Variants in ENOX1 observed in about 807,000 individuals in gnomAD.
ENOX1 encodes candidate growth-related and time keeping constitutive hydroquinone (NADH) oxidase.
Under a neutral mutation model 82.5 loss-of-function variants are expected in ENOX1, and 42 were observed. That is an observed-to-expected ratio of 0.51 (90% CI 0.40 to 0.66). The LOEUF (loss-of-function observed/expected upper bound fraction) is 0.66. Ranked by LOEUF, ENOX1 falls within the 30% of genes least tolerant of loss-of-function variation. ENOX1 has a pLI of 0.00. For synonymous variants in ENOX1, 271 were observed against 282.2 expected (o/e 0.96, Z 0.40); for missense variants, 608 against 811.6 (o/e 0.75, Z 3.05).
intron 9 of ENOX1, among the ~76,000 whole-genome samples, chr13:43,341,536 CTG>C (rs2049060628): frequency 6.6e-6 from 1 of 152,062 alleles, no homozygotes; most frequent in South Asian, 2.1e-4. Context: ...CATGGTGAGT[CTG>C]AGGATAACTG....
chr13:43,279,707 G>C (rs1462153764), intron 12 of ENOX1, among the ~76,000 whole-genome samples: 1 of 152,222 alleles, frequency 6.6e-6, no homozygotes, highest in African/African-American at 2.4e-5. Flanking sequence ...TGAGTTAAAT[G>C]AAAGTGCTGT....
intron 8 of ENOX1, among the ~76,000 whole-genome samples, chr13:43,353,080 T>C (rs182929757): frequency 6.6e-6 from 1 of 152,074 alleles, no homozygotes; most frequent in African/African-American, 2.4e-5. Flanking sequence ...GATTAACGAA[T>C]ACTTCTTGAG....
At chr13:43,553,005 A>C (rs757731244) in intron 2 of ENOX1, among the ~76,000 whole-genome samples, 1 of 152,098 alleles carries the variant, frequency 6.6e-6, no homozygotes, top group Non-Finnish European at 1.5e-5. Context: ...TTGAAGAGGA[A>C]GAGGAGGTAA....
chr13:43,370,943 T>C (rs1410600572), intron 5 of ENOX1, among the ~76,000 whole-genome samples: 4 of 145,088 alleles, frequency 2.8e-5, no homozygotes, highest in African/African-American at 1.0e-4. Context: ...GCCTCCTCCC[T>C]GCATGCCCTT....
intron 2 of ENOX1, among the ~76,000 whole-genome samples, chr13:43,517,293 T>C (rs1238317820): frequency 6.6e-6 from 1 of 151,228 alleles, no homozygotes; most frequent in Non-Finnish European, 1.5e-5. Flanking sequence ...AGGTCAGGAG[T>C]TCAAGACCAG....
intron 1 of ENOX1, among the ~76,000 whole-genome samples, chr13:43,709,439 A>C (rs1036315388): frequency 1.8e-4 from 28 of 152,142 alleles, no homozygotes; most frequent in African/African-American, 6.5e-4. Context: ...TTTTAAGTAC[A>C]TTTTTAACGA....
intron 1 of ENOX1, among the ~76,000 whole-genome samples, chr13:43,753,417 T>C (rs944357656): frequency 6.6e-6 from 1 of 152,236 alleles, no homozygotes; most frequent in African/African-American, 2.4e-5. Flanking sequence ...TTTCGTATTT[T>C]TGATACTATT....
Position 43,786,935 on chromosome 13 carries a change from G to A in ENOX1, c.-568C>T. On this transcript the variant is annotated 5_prime_UTR_variant, in exon 1 of 17. Transcript: ENST00000690772. The surrounding 1 kb of genome is among the most constrained non-coding windows in gnomAD (Gnocchi z 6.0). ...GAGGGGCGCTGGAGACTCCGCGGCT[G>A]GAGGCGCGCGGGCGTGCGCACGCGC... 6.6e-6 allele frequency: 1 copy of A among 151,476 alleles called. No homozygotes were observed. The highest frequency in any genetic ancestry group is 1.5e-5 in the Non-Finnish European group (1 of 67,808). 9.4% of individuals were successfully genotyped at this position (151,476 alleles called of 1,614,324 possible).
intron 5 of ENOX1, among the ~76,000 whole-genome samples, chr13:43,387,564 T>C (rs1455854819): frequency 1.3e-5 from 2 of 152,020 alleles, no homozygotes; most frequent in African/African-American, 4.8e-5. Flanking sequence ...ACTACTGTCT[T>C]TTATGCCTAT....
intron 11 of ENOX1, among the ~76,000 whole-genome samples, chr13:43,307,601 C>T (rs540383578): frequency 1.4e-3 from 213 of 152,306 alleles, no homozygotes; most frequent in African/African-American, 4.9e-3. Context: ...TTCTCTCCTG[C>T]TTTTACAACC....
At chr13:43,306,374 C>T (rs914222228) in intron 11 of ENOX1, among the ~76,000 whole-genome samples, 1 of 152,170 alleles carries the variant, frequency 6.6e-6, no homozygotes, top group African/African-American at 2.4e-5. Context: ...TTCTTTTTCA[C>T]TTTCAGTCCC....
At chr13:43,248,040 T>C (rs1264121889) in intron 14 of ENOX1, among the ~76,000 whole-genome samples, 5 of 148,502 alleles carry the variant, frequency 3.4e-5, no homozygotes, top group Admixed American at 6.7e-5. Flanking sequence ...CGCCCGCCAC[T>C]ACGCCTGTCT....
intron 5 of ENOX1, among the ~76,000 whole-genome samples, chr13:43,401,877 A>T (rs2053517266): frequency 6.6e-6 from 1 of 151,938 alleles, no homozygotes; most frequent in Non-Finnish European, 1.5e-5. Context: ...TTTCCAAGGA[A>T]CTTGACTGCA....
Position 43,703,445 on chromosome 13 carries a change from G to A in ENOX1, c.-284-35901C>T, listed in dbSNP as rs536157439. Among the ~76,000 whole-genome samples, 16 of 152,162 alleles carry A rather than the reference G, an allele frequency of 1.1e-4. No homozygotes were observed. The East Asian group carries it at 2.3e-3, about 22-fold the overall frequency. On this transcript the variant is annotated intron_variant, in intron 1 of 16. Coordinates refer to ENST00000690772, the MANE Select transcript of ENOX1 (RefSeq NM_001347969.2). ...TTCCCCTGAGTGAAGACTGCTTTTC[G>A]GGGCCATAAATCCAGGCAGCTTTAG...
chr13:43,279,962 G>A (rs1463576372), intron 12 of ENOX1, among the ~76,000 whole-genome samples: 3 of 152,226 alleles, frequency 2.0e-5, no homozygotes, highest in African/African-American at 7.2e-5. Flanking sequence ...GTAGGAACAT[G>A]TATCAGTGAC....
chr13:43,651,430 T>C (rs2084164333), intron 2 of ENOX1, among the ~76,000 whole-genome samples: 1 of 152,186 alleles, frequency 6.6e-6, no homozygotes, highest in Admixed American at 6.5e-5. Flanking sequence ...GCATGTTGGC[T>C]CTTGCCTGTA....
intron 14 of ENOX1, among the ~76,000 whole-genome samples, chr13:43,258,814 AG>A (rs1407738415): frequency 4.6e-5 from 7 of 152,196 alleles, no homozygotes; most frequent in African/African-American, 1.7e-4. Context: ...CTTCCAAAAA[AG>A]GTCTCGTCTC....
intron 2 of ENOX1, among the ~76,000 whole-genome samples, chr13:43,557,057 C>A (rs1193462301): frequency 6.6e-6 from 1 of 152,232 alleles, no homozygotes; most frequent in African/African-American, 2.4e-5. Context: ...GGAGAGAGTT[C>A]ACAGTGCAGA....
At chr13:43,609,516 G>C (rs1407433712) in intron 2 of ENOX1, among the ~76,000 whole-genome samples, 1 of 152,148 alleles carries the variant, frequency 6.6e-6, no homozygotes, top group Non-Finnish European at 1.5e-5. Context: ...CTACCATTCT[G>C]ATGCTGCCTC....
Sources: gnomAD v4.1 joint callset for allele counts (sites outside exome capture counted in the v4.1 genomes callset) on GRCh38, gnomAD v4.1.1 for gene constraint, Gnocchi (gnomAD v3.1) non-coding constraint, MANE v1.5 for transcripts, NCBI Gene and HGNC (gene_info 2026-07-23, HGNC 2026-07-21) for gene names.